Variants in NBAS observed in about 807,000 individuals in gnomAD.
The protein encoded by NBAS is NBAS subunit of NRZ tethering complex.
A neutral mutation model predicts 302.5 loss-of-function variants in NBAS; 219 were observed. The ratio of observed to expected loss-of-function variants is 0.72; its 90% CI spans 0.65 to 0.81. NBAS has a LOEUF of 0.81. Among genes scored for constraint, NBAS ranks in the 30% least tolerant of loss-of-function variants. NBAS has a pLI of 0.00. For synonymous variants in NBAS, 1,118 were observed against 1,021.6 expected (o/e 1.09, Z -1.80); for missense variants, 2,932 against 2,841.6 (o/e 1.03, Z -0.72).
At chr2:15,505,177 C>T (rs1661783533) in intron 10 of NBAS, among the ~76,000 whole-genome samples, 1 of 152,224 alleles carries the variant, frequency 6.6e-6, no homozygotes, top group South Asian at 2.1e-4. Flanking sequence ...TCCCCACTTA[C>T]TCCATTGTGA....
At chr2:14,987,844 G>T in the NBAS span, among the ~76,000 whole-genome samples, 2 of 152,024 alleles carry the variant, frequency 1.3e-5, no homozygotes, top group Admixed American at 1.3e-4. Flanking sequence ...ATATATTTCG[G>T]TATATATTCT....
intron 30 of NBAS, 67 bp from the exon 31 acceptor site, chr2:15,374,787 T>A: frequency 1.6e-6 from 2 of 1,288,370 alleles, no homozygotes; most frequent in South Asian, 1.2e-5. Flanking sequence ...CTCAACACCA[T>A]GAGATCTAAC....
At chr2:14,832,341 T>G in the NBAS span, among the ~76,000 whole-genome samples, 2 of 152,214 alleles carry the variant, frequency 1.3e-5, no homozygotes, top group African/African-American at 4.8e-5. Flanking sequence ...TGTTTGTTCT[T>G]TTCTCACAAA....
the NBAS span, among the ~76,000 whole-genome samples, chr2:14,795,210 C>T: frequency 1.3e-5 from 2 of 152,144 alleles, no homozygotes; most frequent in Non-Finnish European, 2.9e-5. Context: ...ATGAATTTTG[C>T]ATTCTCACTA....
intron 44 of NBAS, among the ~76,000 whole-genome samples, chr2:15,271,754 T>C (rs1185742310): frequency 6.6e-6 from 1 of 152,208 alleles, no homozygotes; most frequent in African/African-American, 2.4e-5. Flanking sequence ...AACCACCTAA[T>C]ACCAAGCAAA....
downstream of NBAS, among the ~76,000 whole-genome samples, chr2:15,164,442 A>AT (rs1017095475): frequency 1.3e-5 from 2 of 152,224 alleles, no homozygotes; most frequent in East Asian, 3.9e-4. Context: ...TAACTTAAGC[A>AT]TTATTAGCCC....
intron 6 of NBAS, among the ~76,000 whole-genome samples, chr2:15,541,226 C>G (rs1446526943): frequency 6.6e-6 from 1 of 152,174 alleles, no homozygotes; most frequent in East Asian, 1.9e-4. Context: ...CCCCACAAGT[C>G]TCTGAGCTCA....
chr2:14,835,641 G>A, the NBAS span, among the ~76,000 whole-genome samples: 1 of 151,884 alleles, frequency 6.6e-6, no homozygotes. Context: ...TGTGTTCAAT[G>A]TATTTCCAAT....
the NBAS span, among the ~76,000 whole-genome samples, chr2:15,127,677 C>T: frequency 4.6e-5 from 7 of 152,330 alleles, no homozygotes; most frequent in South Asian, 4.1e-4. Flanking sequence ...TAATCACTCA[C>T]GCCTACCCTT....
At chr2:15,095,900 G>C in the NBAS span, among the ~76,000 whole-genome samples, 3 of 152,196 alleles carry the variant, frequency 2.0e-5, no homozygotes, top group Non-Finnish European at 4.4e-5. Context: ...GTATCTGACA[G>C]TGTCTTGGAG....
At chr2:15,227,505 A>G (rs1667195745) in intron 47 of NBAS, among the ~76,000 whole-genome samples, 1 of 152,176 alleles carries the variant, frequency 6.6e-6, no homozygotes, top group Non-Finnish European at 1.5e-5. Flanking sequence ...AAAAATCTTA[A>G]AATTCATATG....
intron 9 of NBAS, among the ~76,000 whole-genome samples, chr2:15,515,113 G>A (rs1238533190): frequency 4.6e-5 from 7 of 152,154 alleles, no homozygotes; most frequent in Admixed American, 4.6e-4. Flanking sequence ...GGGAAGAAAT[G>A]GAGATAACTG....
At chr2:15,260,596 G>A (rs1668804837) in intron 44 of NBAS, among the ~76,000 whole-genome samples, 1 of 152,170 alleles carries the variant, frequency 6.6e-6, no homozygotes, top group African/African-American at 2.4e-5. Flanking sequence ...AGTCTGGACA[G>A]AGTGGATGGG....
At chr2:15,394,457 T>C (rs1410724630) in intron 27 of NBAS, 108 bp from the exon 28 acceptor site, 2 of 1,160,976 alleles carry the variant, frequency 1.7e-6, no homozygotes, top group Non-Finnish European at 1.2e-6. Flanking sequence ...AAAAAAATTA[T>C]CCCATAGTGT....
At chr2:15,222,450 C>T (rs745843738) in intron 47 of NBAS, among the ~76,000 whole-genome samples, 1 of 152,136 alleles carries the variant, frequency 6.6e-6, no homozygotes, top group Non-Finnish European at 1.5e-5. Context: ...GTCATGAAGA[C>T]AAGCTGGAAG....
chr2:15,113,152 T>C, the NBAS span, among the ~76,000 whole-genome samples: 5 of 152,212 alleles, frequency 3.3e-5, no homozygotes, highest in East Asian at 5.8e-4. Flanking sequence ...GAGAAATAAG[T>C]AATGATGTGA....
At chr2:15,144,037 CTATATATAAAAATATATA>C in the NBAS span, among the ~76,000 whole-genome samples, 4 of 45,872 alleles carry the variant, frequency 8.7e-5, no homozygotes, top group African/African-American at 1.9e-4. Context: ...ATATATTATC[CTATATATAAAAATATATA>C]TATATATATA....
At chr2:14,965,458 T>G in the NBAS span, among the ~76,000 whole-genome samples, 707 of 152,334 alleles carry the variant, frequency 4.6e-3, 3 homozygotes, top group African/African-American at 0.016. Flanking sequence ...AGACACGCAC[T>G]ATCAAAGTTC....
At chr2:15,001,497 G>A in the NBAS span, among the ~76,000 whole-genome samples, 1 of 152,014 alleles carries the variant, frequency 6.6e-6, no homozygotes, top group African/African-American at 2.4e-5. Context: ...GAGACTAGCA[G>A]GAGAAAACCT....
Sources: allele counts gnomAD v4.1 joint callset (sites outside exome capture counted in the v4.1 genomes callset), GRCh38; gene constraint gnomAD v4.1.1; transcripts MANE v1.5; gene names NCBI Gene and HGNC (gene_info 2026-07-23, HGNC 2026-07-21).